The following SLC45A2 variants were observed in gnomAD, a reference collection of about 807,000 sequenced individuals.
The protein encoded by SLC45A2 is solute carrier family 45 member 2.
A neutral mutation model predicts 45.5 loss-of-function variants in SLC45A2; 36 were observed. The observed-to-expected ratio is 0.79, with a 90% confidence interval of 0.61 to 1.04. The LOEUF (loss-of-function observed/expected upper bound fraction) is 1.04. SLC45A2 is among the 50% of genes least tolerant of loss of function. SLC45A2 has a pLI of 0.00. For missense variants in SLC45A2, 719 were observed against 671.0 expected, an observed-to-expected ratio of 1.07 and a Z score of -0.79; for synonymous variants, 306 against 269.3, an observed-to-expected ratio of 1.14 and a Z score of -1.33.
chr5:33,967,944 C>A (rs1319108614), intron 2 of SLC45A2, among the ~76,000 whole-genome samples: 1 of 150,292 alleles, frequency 6.7e-6, no homozygotes, highest in East Asian at 2.0e-4. Context: ...TATTAGCACT[C>A]TCTTATCTTA....
intron 3 of SLC45A2, among the ~76,000 whole-genome samples, chr5:33,960,928 A>G (rs1752436199): frequency 6.6e-6 from 1 of 152,126 alleles, no homozygotes; most frequent in African/African-American, 2.4e-5. Flanking sequence ...ATACATAGGA[A>G]CTCTCTCTAC....
chr5:33,951,753 A>G, intron 4 of SLC45A2, 76 bp from the exon 5 acceptor site: 1 of 1,578,958 alleles, frequency 6.3e-7, no homozygotes. Flanking sequence ...CTGCTTCTCC[A>G]CCTCTGGGGA....
chr5:33,984,090 C>G, intron 1 of SLC45A2, 109 bp downstream of exon 1: 2 of 1,508,404 alleles, frequency 1.3e-6, no homozygotes, highest in Admixed American at 1.8e-5. Flanking sequence ...TAGGAGAGAT[C>G]AATTCTAACA....
At chr5:33,959,541 T>G (rs1357633530) in intron 3 of SLC45A2, among the ~76,000 whole-genome samples, 2 of 152,132 alleles carry the variant, frequency 1.3e-5, no homozygotes, top group Admixed American at 1.3e-4. Context: ...AATGAAGGCT[T>G]TATCCCAATG....
At chr5:33,970,968 T>C in intron 2 of SLC45A2, 1 of 481,368 alleles carries the variant, frequency 2.1e-6, no homozygotes, top group Non-Finnish European at 4.2e-6. Flanking sequence ...TTCAAAGAAT[T>C]TACCAAACCG....
intron 4 of SLC45A2, among the ~76,000 whole-genome samples, chr5:33,952,103 C>T (rs187828724): frequency 6.6e-6 from 1 of 152,092 alleles, no homozygotes; most frequent in East Asian, 1.9e-4. Flanking sequence ...CATACTGCAC[C>T]TCCTTTTTTA....
At chr5:33,959,942 T>C (rs1462905166) in intron 3 of SLC45A2, among the ~76,000 whole-genome samples, 6 of 152,186 alleles carry the variant, frequency 3.9e-5, no homozygotes, top group African/African-American at 9.6e-5. Context: ...TTTATTTATA[T>C]ACATAACTGT....
At chr5:33,980,232 G>C (rs1269356380) in intron 2 of SLC45A2, among the ~76,000 whole-genome samples, 1 of 150,858 alleles carries the variant, frequency 6.6e-6, no homozygotes, top group Non-Finnish European at 1.5e-5. Context: ...CCAATCAGTG[G>C]ACTTCAGGTA....
At chr5:33,983,935 A>T (rs1753157555) in intron 1 of SLC45A2, among the ~76,000 whole-genome samples, 2 of 152,236 alleles carry the variant, frequency 1.3e-5, no homozygotes, top group Admixed American at 1.3e-4. Context: ...AAATAGATAC[A>T]AATTTAATAA....
In SLC45A2 at chr5:33,984,280, G is replaced by C; in HGVS notation, c.304C>G (p.Arg102Gly). The C allele has an allele frequency of 1.2e-6, 2 of 1,614,162 alleles. No individual in the cohort carries two copies. The highest frequency in any genetic ancestry group is 1.7e-6 in the Non-Finnish European group (2 of 1,180,022). The change falls in exon 1 of 7, where the codon CGG becomes GGG. Residue 102 changes from arginine to glycine, a missense_variant. Arg to Gly is a moderately radical substitution (Grantham distance 125). Transcript: ENST00000296589. ...CCCAGGGTGAGGATGTAGGGTCTCCGGCGGCCCCACCTGGACCGGCAGTGG... is the reference window on the plus strand; with the variant it reads ...CCCAGGGTGAGGATGTAGGGTCTCCCGCGGCCCCACCTGGACCGGCAGTGG... ...SDHCRSRWGR[R>G]RPYILTLGVM...
At chr5:33,984,162 C>T (rs1753165697) in intron 1 of SLC45A2, 37 bp downstream of exon 1, 1 of 1,612,766 alleles carries the variant, frequency 6.2e-7, no homozygotes, top group Admixed American at 1.7e-5. Flanking sequence ...CACTAAGACA[C>T]ATATCCCTGT....
chr5:33,959,160 A>G (rs1752369541), intron 3 of SLC45A2, among the ~76,000 whole-genome samples: 1 of 151,942 alleles, frequency 6.6e-6, no homozygotes, highest in Admixed American at 6.6e-5. Context: ...CAGACTTTTC[A>G]TTTTTTGTAT....
intron 4 of SLC45A2, 91 bp downstream of exon 4, chr5:33,954,270 A>C: frequency 6.4e-7 from 1 of 1,566,984 alleles, no homozygotes; most frequent in Non-Finnish European, 8.8e-7. Flanking sequence ...TTACTGTGCC[A>C]ATCTTAGAGG....
chr5:33,947,013 A>C (rs1171625439), intron 6 of SLC45A2, 150 bp downstream of exon 6: 1 of 1,590,956 alleles, frequency 6.3e-7, no homozygotes, highest in Non-Finnish European at 8.5e-7. Context: ...TGCCTGTACC[A>C]GATCATGGTT....
intron 2 of SLC45A2, chr5:33,971,295 AG>A: frequency 1.9e-6 from 1 of 522,524 alleles, no homozygotes; most frequent in South Asian, 1.4e-5. Context: ...GTGGGAATTG[AG>A]GGGTTACCAC....
At chr5:33,958,887 C>A (rs369545225) in intron 3 of SLC45A2, among the ~76,000 whole-genome samples, 6 of 152,164 alleles carry the variant, frequency 3.9e-5, no homozygotes, top group African/African-American at 1.4e-4. Flanking sequence ...CTGTCCTATG[C>A]GACTCTTGGA....
intron 3 of SLC45A2, 68 bp from the exon 4 acceptor site, chr5:33,954,572 A>T: frequency 6.3e-7 from 1 of 1,598,644 alleles, no homozygotes; most frequent in Non-Finnish European, 8.5e-7. Context: ...GGGAGCCAGA[A>T]CACACAGACA....
intron 2 of SLC45A2, chr5:33,972,267 G>T (rs1445791463): frequency 3.8e-5 from 19 of 498,866 alleles, no homozygotes; most frequent in Non-Finnish European, 4.1e-6. Context: ...CAAATGGATG[G>T]ATTTGATACT....
At chr5:33,952,836 CT>C (rs1752155187) in intron 4 of SLC45A2, among the ~76,000 whole-genome samples, 1 of 109,504 alleles carries the variant, frequency 9.1e-6, no homozygotes, top group African/African-American at 3.5e-5. Flanking sequence ...AATGCTATCC[CT>C]CCCCCCTCCC....
Sources: allele counts gnomAD v4.1 joint callset (sites outside exome capture counted in the v4.1 genomes callset), GRCh38; gene constraint gnomAD v4.1.1; transcripts MANE v1.5; gene names NCBI Gene and HGNC (gene_info 2026-07-23, HGNC 2026-07-21).